Variants in HS2ST1 observed in about 807,000 individuals in gnomAD.
The protein encoded by HS2ST1 is heparan sulfate 2-O-sulfotransferase 1, also known as 2-O-sulfotransferase.
In HS2ST1, 18 loss-of-function variants were observed where a neutral mutation model predicts 42.9. The observed-to-expected ratio is 0.42, with a 90% confidence interval of 0.29 to 0.62. The LOEUF is 0.62. Among genes scored for constraint, HS2ST1 ranks in the 20% least tolerant of loss-of-function variants. The pLI is 0.21. For missense variants in HS2ST1, 334 were observed against 433.8 expected (o/e 0.77, Z 2.04); for synonymous variants, 146 against 152.9 (o/e 0.95, Z 0.33).
chr1:87,022,612 G>A (rs1649980845), intron 1 of HS2ST1, among the ~76,000 whole-genome samples: 1 of 152,038 alleles, frequency 6.6e-6, no homozygotes. Flanking sequence ...TTTGCTTGTG[G>A]AAGTGGGCCC....
intron 5 of HS2ST1, among the ~76,000 whole-genome samples, chr1:87,101,905 G>C (rs187161849): frequency 8.3e-4 from 126 of 152,284 alleles, no homozygotes; most frequent in Middle Eastern, 6.8e-3. Context: ...GGTTCTGCAG[G>C]CTGTGCAAGC....
intron 1 of HS2ST1, among the ~76,000 whole-genome samples, chr1:86,926,458 G>A (rs74887817): frequency 6.6e-6 from 1 of 152,106 alleles, no homozygotes; most frequent in African/African-American, 2.4e-5. Context: ...CTATAGCCTA[G>A]AAACTCTCTC....
chr1:86,920,037 A>G (rs1660260288), intron 1 of HS2ST1, among the ~76,000 whole-genome samples: 1 of 152,218 alleles, frequency 6.6e-6, no homozygotes, highest in African/African-American at 2.4e-5. Context: ...GCTAATATTG[A>G]CTGGTCGAAC....
chr1:86,919,352 A>G (rs1660241939), intron 1 of HS2ST1, among the ~76,000 whole-genome samples: 1 of 152,208 alleles, frequency 6.6e-6, no homozygotes, highest in Non-Finnish European at 1.5e-5. Context: ...AATTTAGGGA[A>G]GTCGTTTTCA....
At chr1:86,990,834 ATATTTTTTT>A (rs1200806524) in intron 1 of HS2ST1, among the ~76,000 whole-genome samples, 245 of 18,202 alleles carry the variant, frequency 0.013, 4 homozygotes, top group Middle Eastern at 0.033. Context: ...ATATATATAT[ATATTTTTTT>A]TTTTTTTTTT....
intron 1 of HS2ST1, among the ~76,000 whole-genome samples, chr1:86,995,106 A>C (rs1333653224): frequency 6.6e-6 from 1 of 152,084 alleles, no homozygotes; most frequent in African/African-American, 2.4e-5. Flanking sequence ...TTGCTCTTTG[A>C]GATGAAAGAG....
At chr1:87,092,738 A>G in intron 4 of HS2ST1, 69 bp downstream of exon 4, 1 of 985,848 alleles carries the variant, frequency 1.0e-6, no homozygotes, top group Non-Finnish European at 1.4e-6. Flanking sequence ...ATGTGCTTTT[A>G]AAATTTGTTG....
At chr1:87,062,326 T>C (rs1159205945) in intron 1 of HS2ST1, among the ~76,000 whole-genome samples, 1 of 152,150 alleles carries the variant, frequency 6.6e-6, no homozygotes, top group Non-Finnish European at 1.5e-5. Context: ...GCATTTTGAT[T>C]TGAGTTTAAT....
intron 1 of HS2ST1, among the ~76,000 whole-genome samples, chr1:86,987,034 C>T (rs886357203): frequency 8.6e-5 from 13 of 150,580 alleles, no homozygotes; most frequent in South Asian, 4.2e-4. Flanking sequence ...TACTGTTACA[C>T]GCTTTCCACC....
chr1:87,040,894 G>A (rs1321455980), intron 1 of HS2ST1, among the ~76,000 whole-genome samples: 2 of 152,052 alleles, frequency 1.3e-5, no homozygotes, highest in African/African-American at 4.8e-5. Context: ...AGGAGAGTGA[G>A]TTCCCCACCA....
At chr1:87,071,296 G>A (rs1651397312) in intron 1 of HS2ST1, among the ~76,000 whole-genome samples, 1 of 152,180 alleles carries the variant, frequency 6.6e-6, no homozygotes, top group African/African-American at 2.4e-5. Context: ...ACTTGTTGCT[G>A]TAATTATACC....
At chr1:86,978,952 C>T (rs1316348730) in intron 1 of HS2ST1, among the ~76,000 whole-genome samples, 1 of 147,402 alleles carries the variant, frequency 6.8e-6, no homozygotes, top group African/African-American at 2.5e-5. Flanking sequence ...GCAGCCTCTA[C>T]CAGGACTCAA....
chr1:87,047,055 T>G, intron 1 of HS2ST1, among the ~76,000 whole-genome samples: 1 of 152,060 alleles, frequency 6.6e-6, no homozygotes, highest in Non-Finnish European at 1.5e-5. Flanking sequence ...TCCATAATGG[T>G]TGTCTCATTT....
At chr1:87,066,109 G>A (rs1038061642) in intron 1 of HS2ST1, among the ~76,000 whole-genome samples, 1 of 151,712 alleles carries the variant, frequency 6.6e-6, no homozygotes, top group Non-Finnish European at 1.5e-5. Flanking sequence ...TTAGTTTAAT[G>A]TAATGTTTTA....
intron 1 of HS2ST1, among the ~76,000 whole-genome samples, chr1:86,997,180 T>C (rs1570472739): frequency 6.6e-6 from 1 of 152,148 alleles, no homozygotes; most frequent in Non-Finnish European, 1.5e-5. Flanking sequence ...GAGAGGCTGG[T>C]AACGGAGGCC....
At chr1:86,916,770 C>T (rs1457069218) in intron 1 of HS2ST1, among the ~76,000 whole-genome samples, 1 of 152,080 alleles carries the variant, frequency 6.6e-6, no homozygotes, top group Non-Finnish European at 1.5e-5. Flanking sequence ...GAAAAAAAGA[C>T]TCCTCTTGAA....
intron 5 of HS2ST1, 57 bp from the exon 6 acceptor site, chr1:87,103,375 C>G (rs1050203814): frequency 6.7e-6 from 10 of 1,495,674 alleles, no homozygotes; most frequent in Non-Finnish European, 8.1e-6. Context: ...GTCAAAGGCA[C>G]CAGAAACACT....
chr1:86,928,701 TAGA>T (rs1307949285), intron 1 of HS2ST1, among the ~76,000 whole-genome samples: 2 of 151,974 alleles, frequency 1.3e-5, no homozygotes, highest in Non-Finnish European at 2.9e-5. Flanking sequence ...AAAAATAAAA[TAGA>T]AGAAAACATT....
chr1:86,996,970 A>G (rs1453833422), intron 1 of HS2ST1, among the ~76,000 whole-genome samples: 2 of 152,184 alleles, frequency 1.3e-5, no homozygotes, highest in Non-Finnish European at 2.9e-5. Flanking sequence ...GGCCATATAT[A>G]TATATACAAC....
Sources: gnomAD v4.1 joint callset for allele counts (sites outside exome capture counted in the v4.1 genomes callset) on GRCh38, gnomAD v4.1.1 for gene constraint, MANE v1.5 for transcripts, NCBI Gene and HGNC (gene_info 2026-07-23, HGNC 2026-07-21) for gene names.